The following DLG2 variants were observed in gnomAD, a reference collection of about 807,000 sequenced individuals.
DLG2 encodes the protein discs large MAGUK scaffold protein 2, also known as disks large homolog 2.
A neutral mutation model predicts 132.5 loss-of-function variants in DLG2; 45 were observed. The ratio of observed to expected loss-of-function variants is 0.34; its 90% confidence interval spans 0.27 to 0.44. The LOEUF (loss-of-function observed/expected upper bound fraction) is 0.44, where lower values mean the gene tolerates loss of function less well. DLG2 is among the 20% of genes least tolerant of loss of function. The pLI, the probability that DLG2 is intolerant of heterozygous loss-of-function variation, is 1.00. For synonymous variants in DLG2, 424 were observed against 419.6 expected, an observed-to-expected ratio of 1.01 and a Z score of -0.13; for missense variants, 1,045 against 1,196.9, an observed-to-expected ratio of 0.87 and a Z score of 1.87.
chr11:84,213,076 G>A (rs995586408), intron 8 of DLG2, among the ~76,000 whole-genome samples: 6 of 152,154 alleles, frequency 3.9e-5, no homozygotes, highest in African/African-American at 1.4e-4. Context: ...TGCTTACACA[G>A]TTTACCAACT....
chr11:83,477,553 A>G (rs1180060268), intron 22 of DLG2, among the ~76,000 whole-genome samples: 2 of 152,022 alleles, frequency 1.3e-5, no homozygotes, highest in African/African-American at 4.8e-5. Context: ...ACGATGTGTA[A>G]CTCCAGGATA....
intron 14 of DLG2, among the ~76,000 whole-genome samples, chr11:83,952,837 T>C (rs2085808182): frequency 6.6e-6 from 1 of 152,088 alleles, no homozygotes; most frequent in African/African-American, 2.4e-5. Flanking sequence ...TTTCTTTATA[T>C]TTTTATTTTA....
At chr11:85,223,915 A>G (rs1225850817) in intron 4 of DLG2, among the ~76,000 whole-genome samples, 2 of 152,088 alleles carry the variant, frequency 1.3e-5, no homozygotes, top group Admixed American at 1.3e-4. Context: ...CCAACTGGAT[A>G]TTGTGCAGGG....
chr11:83,764,346 A>G (rs139200200), intron 18 of DLG2, among the ~76,000 whole-genome samples: 1 of 152,174 alleles, frequency 6.6e-6, no homozygotes, highest in Non-Finnish European at 1.5e-5. Context: ...ATAGACATTC[A>G]ATATATGGTT....
intron 4 of DLG2, 104 bp downstream of exon 4, chr11:85,285,116 T>C (rs1279633084): frequency 5.0e-6 from 5 of 1,007,078 alleles, no homozygotes; most frequent in East Asian, 2.4e-5. Flanking sequence ...ATTTCTATTA[T>C]TGTTGTTGCC....
At chr11:84,248,096 T>C (rs897875281) in intron 8 of DLG2, among the ~76,000 whole-genome samples, 3 of 151,898 alleles carry the variant, frequency 2.0e-5, no homozygotes, top group African/African-American at 7.3e-5. Flanking sequence ...AATGAGAAAA[T>C]AGACTGTGAA....
intron 6 of DLG2, among the ~76,000 whole-genome samples, chr11:84,606,450 T>A (rs1750415232): frequency 6.6e-6 from 1 of 152,158 alleles, no homozygotes; most frequent in Admixed American, 6.6e-5. Context: ...TCTAAATATT[T>A]TTTCTATAAA....
At chr11:85,516,287 A>T (rs1401710512) in intron 3 of DLG2, among the ~76,000 whole-genome samples, 1 of 152,070 alleles carries the variant, frequency 6.6e-6, no homozygotes, top group Admixed American at 6.6e-5. Flanking sequence ...AACCTCTGGG[A>T]TATAGGAAAA....
intron 7 of DLG2, among the ~76,000 whole-genome samples, chr11:84,289,553 A>G (rs776664737): frequency 2.0e-5 from 3 of 152,042 alleles, no homozygotes; most frequent in African/African-American, 4.8e-5. Context: ...TTTTAGGTCT[A>G]GAGATAGAGT....
Position 85,520,653 on chromosome 11 carries a change from TA to T in DLG2, c.40+78003del, listed in dbSNP as rs570400058. On this transcript the variant is annotated intron_variant, in intron 3 of 27. Coordinates refer to ENST00000376104, the MANE Select transcript of DLG2 (RefSeq NM_001142699.3). Reference sequence around the variant, plus strand: ...TAACCAAAACAGCATGGTATTGGCATAAAAAAAAAACACATGGACCAATGGA... The same window carrying T: ...TAACCAAAACAGCATGGTATTGGCATAAAAAAAAACACATGGACCAATGGA... Among the ~76,000 whole-genome samples the T allele has an allele frequency of 9.0e-5, 13 of 144,662 alleles. 1 individual carries two copies. The East Asian group carries it at 1.0e-3, about 11-fold the overall frequency. 94.9% of individuals were successfully genotyped at this position (144,662 alleles called of 152,430 possible). A position where few individuals can be genotyped will look rare whatever the true frequency, so the allele number is the denominator to read the frequency against.
At chr11:84,794,589 G>A (rs2074305604) in intron 6 of DLG2, among the ~76,000 whole-genome samples, 1 of 152,212 alleles carries the variant, frequency 6.6e-6, no homozygotes, top group Non-Finnish European at 1.5e-5. Flanking sequence ...CCACCCAGGG[G>A]TGGTTATGGG....
At chr11:84,720,588 G>T in intron 6 of DLG2, 2 of 583,192 alleles carry the variant, frequency 3.4e-6, no homozygotes, top group Non-Finnish European at 4.3e-6. Context: ...TCCCTTCCCT[G>T]GGGAACGAGG....
intron 20 of DLG2, among the ~76,000 whole-genome samples, chr11:83,540,160 C>T (rs956051637): frequency 2.6e-5 from 4 of 152,210 alleles, no homozygotes; most frequent in African/African-American, 9.6e-5. Flanking sequence ...ATGGCTCTTT[C>T]TTCTAGAGAA....
At chr11:84,893,175 T>A (rs1162741270) in intron 6 of DLG2, among the ~76,000 whole-genome samples, 1 of 152,150 alleles carries the variant, frequency 6.6e-6, no homozygotes, top group East Asian at 1.9e-4. Flanking sequence ...CTCACTCCGA[T>A]CTTTCTCTGA....
intron 6 of DLG2, among the ~76,000 whole-genome samples, chr11:84,582,519 A>G (rs1382017968): frequency 6.7e-6 from 1 of 149,026 alleles, no homozygotes; most frequent in South Asian, 2.1e-4. Context: ...ATACATATAT[A>G]CATGTATTTT....
At chr11:83,734,283 A>G (rs2091514455) in intron 18 of DLG2, among the ~76,000 whole-genome samples, 1 of 152,130 alleles carries the variant, frequency 6.6e-6, no homozygotes, top group African/African-American at 2.4e-5. Flanking sequence ...CCAAATTGCA[A>G]ATCACAACCC....
At chr11:84,935,264 C>A (rs1218101073) in intron 6 of DLG2, among the ~76,000 whole-genome samples, 1 of 152,068 alleles carries the variant, frequency 6.6e-6, no homozygotes, top group Non-Finnish European at 1.5e-5. Context: ...ATTCTTGACC[C>A]CTCTAATCCA....
chr11:83,974,018 A>T (rs999944516), intron 12 of DLG2, among the ~76,000 whole-genome samples: 18 of 152,054 alleles, frequency 1.2e-4, no homozygotes, highest in African/African-American at 4.3e-4. Context: ...TGTCCTAACT[A>T]CCTCTCAAAG....
At chr11:84,509,584 TA>T (rs2099251521) in intron 7 of DLG2, among the ~76,000 whole-genome samples, 1 of 152,138 alleles carries the variant, frequency 6.6e-6, no homozygotes, top group Admixed American at 6.5e-5. Flanking sequence ...AACTACATGA[TA>T]AAGTGCTCCA....
Sources: gnomAD v4.1 joint callset for allele counts (sites outside exome capture counted in the v4.1 genomes callset) on GRCh38, gnomAD v4.1.1 for gene constraint, MANE v1.5 for transcripts, NCBI Gene and HGNC (gene_info 2026-07-23, HGNC 2026-07-21) for gene names.